Variants in IFFO2 observed in about 807,000 individuals in gnomAD.
IFFO2 encodes the protein intermediate filament family orphan 2.
IFFO2 carries 19 observed loss-of-function variants against 53.5 expected under a neutral mutation model. The observed-to-expected ratio is 0.36, with a 90% CI of 0.25 to 0.52. The LOEUF is 0.52. Ranked by LOEUF, IFFO2 falls within the 20% of genes least tolerant of loss-of-function variation. IFFO2 has a pLI of 0.94. For missense variants in IFFO2, 570 were observed against 727.4 expected (o/e 0.78, Z 2.49); for synonymous variants, 303 against 313.6 (o/e 0.97, Z 0.36).
chr1:18,922,840 T>C (rs751318413), intron 1 of IFFO2, among the ~76,000 whole-genome samples: 1 of 151,252 alleles, frequency 6.6e-6, no homozygotes, highest in African/African-American at 2.4e-5. Context: ...ACCCAGTATA[T>C]CAGGAGCAAG....
intron 1 of IFFO2, among the ~76,000 whole-genome samples, chr1:18,944,627 C>A (rs1936563465): frequency 6.6e-6 from 1 of 152,212 alleles, no homozygotes; most frequent in Non-Finnish European, 1.5e-5. Flanking sequence ...CCGCCACAGG[C>A]AGGGCAATGA....
In IFFO2 at chr1:18,908,502, A is replaced by C; in HGVS notation, c.*59T>G. 7.8e-7 allele frequency: 1 copy of C among 1,280,190 alleles called. No individual in the cohort carries two copies. Among genetic ancestry groups the C allele is most frequent in the Admixed American group, 2.0e-5 (1 of 50,594 alleles). The allele number at this position is 1,280,190 out of a possible 1,614,324, so 79.3% of individuals were successfully genotyped here. A position where few individuals can be genotyped will look rare whatever the true frequency, so the allele number is the denominator to read the frequency against. On this transcript the variant is annotated 3_prime_UTR_variant, in exon 9 of 9. Transcript: ENST00000455833. ...CACTCCGAGGGGCCTTCCTGGCCCCATGAGGAGAGGTGGCAGGGCCCCATC... is the reference window on the plus strand; with the variant it reads ...CACTCCGAGGGGCCTTCCTGGCCCCCTGAGGAGAGGTGGCAGGGCCCCATC...
In IFFO2 at chr1:18,911,376, G is replaced by T. The variant is rs1383587352; in HGVS notation, c.1317+8C>A. 3 of 1,473,250 alleles carry T rather than the reference G, an allele frequency of 2.0e-6. No homozygotes were observed. In the African/African-American group the frequency reaches 4.3e-5, roughly 21 times the overall value. 91.3% of individuals were successfully genotyped at this position (1,473,250 alleles called of 1,614,324 possible). ...CTCACGAGTGGGCTCCACGTCCCGA[G>T]CCCTCACCTCGATCTGACCTATCGT... On this transcript the variant is annotated splice_region_variant and intron_variant, in intron 7 of 8. Transcript: ENST00000455833.
intron 1 of IFFO2, among the ~76,000 whole-genome samples, chr1:18,925,872 G>A (rs1936279767): frequency 3.5e-5 from 1 of 28,316 alleles, no homozygotes. Context: ...TGGATGGATG[G>A]ATGGATGGAT....
chr1:18,908,347 T>TC lies in IFFO2; in HGVS notation c.*213dup, dbSNP rs1434141511. 1.8e-5 allele frequency: 10 copies of TC among 560,326 alleles called. No homozygotes were observed. The highest frequency in any genetic ancestry group is 1.3e-4 in the African/African-American group (7 of 52,872). 34.7% of individuals were successfully genotyped at this position (560,326 alleles called of 1,614,324 possible). ...GAACAATAGAAATTGACAGCACCATTCCTTGGGTGGGTGGGGGATGGAGAC... is the reference window on the plus strand; with the variant it reads ...GAACAATAGAAATTGACAGCACCATTCCCTTGGGTGGGTGGGGGATGGAGAC... On this transcript the variant is annotated 3_prime_UTR_variant, in exon 9 of 9. Transcript: ENST00000455833.
Position 18,916,976 on chromosome 1 carries a change from C to A in IFFO2, c.1030G>T (p.Val344Leu), listed in dbSNP as rs1158052326. 27 of 1,552,090 alleles carry A rather than the reference C, an allele frequency of 1.7e-5. No homozygotes were observed. ...ACCTCATCGTCCGAGAACCGGTTCACCTCCCCGTCCTGCTCAGAGATGTCA... is the reference window on the plus strand; with the variant it reads ...ACCTCATCGTCCGAGAACCGGTTCAACTCCCCGTCCTGCTCAGAGATGTCA... ...DDDISEQDGEVNRFSDDEVGS... is the reference protein window; with the variant it reads ...DDDISEQDGELNRFSDDEVGS... Residue 344 changes from valine to leucine, a missense_variant, in exon 5 of 9, where the codon GTG (valine) becomes TTG (leucine). Coordinates refer to ENST00000455833, the MANE Select transcript of IFFO2 (RefSeq NM_001136265.2). The surrounding 1 kb of genome is among the most constrained non-coding windows in gnomAD (Gnocchi z 4.3).
intron 5 of IFFO2, among the ~76,000 whole-genome samples, chr1:18,915,585 A>G (rs34551726): frequency 0.091 from 13,813 of 152,174 alleles, 748 homozygotes; most frequent in East Asian, 0.2. Context: ...TCTGAATCCC[A>G]GCTCAGCCAC....
At chr1:18,920,346 C>T (rs963941018) in intron 2 of IFFO2, among the ~76,000 whole-genome samples, 15 of 152,226 alleles carry the variant, frequency 9.9e-5, no homozygotes, top group African/African-American at 1.2e-4. Context: ...TTTCCTTCTA[C>T]GCATTGACAA....
chr1:18,915,275 G>A (rs533714960), intron 5 of IFFO2, among the ~76,000 whole-genome samples: 17 of 152,272 alleles, frequency 1.1e-4, no homozygotes, highest in Non-Finnish European at 1.9e-4. Flanking sequence ...AGGAGAGCCC[G>A]TGCCCTGGGC....
intron 1 of IFFO2, among the ~76,000 whole-genome samples, chr1:18,938,684 A>G (rs1418006913): frequency 6.6e-6 from 1 of 152,146 alleles, no homozygotes; most frequent in East Asian, 1.9e-4. Context: ...CGACCACACC[A>G]GGGACTGAGA....
At chr1:18,938,043 C>T (rs1038480291) in intron 1 of IFFO2, among the ~76,000 whole-genome samples, 4 of 152,230 alleles carry the variant, frequency 2.6e-5, no homozygotes, top group South Asian at 2.1e-4. Context: ...GCCAGCATGG[C>T]GAGAAGAAGC....
chr1:18,912,759 A>G (rs1936060270), intron 5 of IFFO2, among the ~76,000 whole-genome samples: 1 of 149,568 alleles, frequency 6.7e-6, no homozygotes, highest in Non-Finnish European at 1.5e-5. Flanking sequence ...AGGTGAGGAA[A>G]CAGAGGCTCA....
At chr1:18,926,589 TGTG>T (rs1348935428) in intron 1 of IFFO2, among the ~76,000 whole-genome samples, 1 of 152,162 alleles carries the variant, frequency 6.6e-6, no homozygotes, top group Non-Finnish European at 1.5e-5. Flanking sequence ...CCCAGCCAGA[TGTG>T]GTCTCTCCGC....
chr1:18,910,364 G>A lies in IFFO2; in HGVS notation c.1426C>T (p.Leu476Phe), dbSNP rs1936017270. The A allele has an allele frequency of 6.2e-7, 1 of 1,612,396 alleles. No individual in the cohort carries two copies. The highest frequency in any genetic ancestry group is 1.3e-5 in the African/African-American group (1 of 74,876). Reference sequence around the variant, plus strand: ...TACCTGTCTGCGGAGCCTTTGATGAGCCGGCGGCAGGTCTCCATCTGCACG... The same window carrying A: ...TACCTGTCTGCGGAGCCTTTGATGAACCGGCGGCAGGTCTCCATCTGCACG... Reference protein sequence around the residue: ...LDVQMETCRRLIKGSADRNSP... With the variant: ...LDVQMETCRRFIKGSADRNSP... Residue 476 changes from leucine (L) to phenylalanine (F), a missense_variant, in exon 8 of 9, where the codon CTC becomes TTC. Coordinates refer to ENST00000455833, the MANE Select transcript of IFFO2 (RefSeq NM_001136265.2).
intron 8 of IFFO2, among the ~76,000 whole-genome samples, chr1:18,908,958 G>A (rs952449829): frequency 2.0e-5 from 3 of 151,970 alleles, no homozygotes; most frequent in African/African-American, 7.3e-5. Flanking sequence ...CCCATGTCTG[G>A]GCATATAGTA....
intron 1 of IFFO2, among the ~76,000 whole-genome samples, chr1:18,951,321 G>A (rs1199628089): frequency 1.3e-5 from 2 of 152,130 alleles, no homozygotes; most frequent in Admixed American, 6.5e-5. Context: ...AAGCCACCAG[G>A]CTGAATGATC....
Position 18,918,665 on chromosome 1 carries a change from G to A in IFFO2, c.823-163C>T, listed in dbSNP as rs536496073. 5.9e-5 allele frequency among the ~76,000 whole-genome samples: 9 copies of A among 151,966 alleles called. No homozygotes were observed. Among genetic ancestry groups the A allele is most frequent in the East Asian group, 3.9e-4 (2 of 5,128 alleles). On this transcript the variant is annotated intron_variant, in intron 3 of 8. Transcript: ENST00000455833. The surrounding 1 kb of genome is among the most constrained non-coding windows in gnomAD (Gnocchi z 5.2). ...TTTCCGTGGAGTGGAGGGCTGCGGC[G>A]GCACTGGTCAGGGTGGGATGGGGTT...
intron 1 of IFFO2, among the ~76,000 whole-genome samples, chr1:18,931,327 A>C (rs183748802): frequency 6.6e-6 from 1 of 152,270 alleles, no homozygotes; most frequent in East Asian, 1.9e-4. Flanking sequence ...AGGCCACTCC[A>C]AGGAGGAAAT....
At chr1:18,954,724 A>C (rs1936702119) in intron 1 of IFFO2, among the ~76,000 whole-genome samples, 1 of 152,218 alleles carries the variant, frequency 6.6e-6, no homozygotes, top group South Asian at 2.1e-4. Flanking sequence ...TGTCGGCCAG[A>C]CTGCAGACAG....
Sources: gnomAD v4.1 joint callset for allele counts (sites outside exome capture counted in the v4.1 genomes callset) on GRCh38, gnomAD v4.1.1 for gene constraint, Gnocchi (gnomAD v3.1) non-coding constraint, MANE v1.5 for transcripts, NCBI Gene and HGNC (gene_info 2026-07-23, HGNC 2026-07-21) for gene names.